Variants in WNT11 observed in about 807,000 individuals in gnomAD.
WNT11 encodes Wnt family member 11, also known as protein Wnt-11.
Under a neutral mutation model 35.6 loss-of-function variants are expected in WNT11, and 20 were observed. That is an observed-to-expected ratio of 0.56 (90% CI 0.40 to 0.82). The LOEUF is 0.82. WNT11 is among the 40% of genes least tolerant of loss of function. WNT11 has a pLI of 0.00. For synonymous variants in WNT11, 200 were observed against 211.9 expected (o/e 0.94, Z 0.49); for missense variants, 459 against 504.4 (o/e 0.91, Z 0.86).
chr11:76,187,784 T>A (rs545105187), intron 4 of WNT11, among the ~76,000 whole-genome samples: 11 of 152,198 alleles, frequency 7.2e-5, no homozygotes, highest in African/African-American at 2.4e-4. Context: ...GTGCCCAGCC[T>A]TGTTTTGTTG....
chr11:76,187,077 A>G lies in WNT11; in HGVS notation c.1053T>C (p.Tyr351=), dbSNP rs1479855287. ...CRRCERTVER[Y]VCK ...GGAGGGCAGGGCCTCACTTGCAGAC[A>G]TAGCGCTCCACGGTACGCTCACACC... is the stretch of plus-strand genomic sequence containing the variant. Residue 351 remains tyrosine, a synonymous_variant, in exon 5 of 5, where the codon TAT becomes TAC. Coordinates refer to ENST00000322563, the MANE Select transcript of WNT11 (RefSeq NM_004626.3). 1.9e-6 allele frequency: 3 copies of G among 1,610,928 alleles called. No homozygotes were observed. Among genetic ancestry groups the G allele is most frequent in the South Asian group, 2.2e-5 (2 of 91,088 alleles).
rs372982547 is a variant in WNT11, at chr11:76,194,720, G to C, written c.444C>G (p.Pro148=). 1.3e-6 allele frequency: 2 copies of C among 1,550,394 alleles called. No individual in the cohort carries two copies. The highest frequency in any genetic ancestry group is 1.7e-6 in the Non-Finnish European group (2 of 1,146,930). ...ATCCTCCCCAGCGGTTCCCGGGCCC[G>C]GGTGGCTCACCTGGGACGGGGCCGC... The part of the protein sequence containing the change: ...CSCGPVPGEP[P]GPGNRWGGCA... Residue 148 remains proline (P), a synonymous_variant, in exon 3 of 5, where the codon CCC becomes CCG. Coordinates refer to ENST00000322563, the MANE Select transcript of WNT11 (RefSeq NM_004626.3). The surrounding 1 kb of genome is among the most constrained non-coding windows in gnomAD (Gnocchi z 5.4).
At chr11:76,206,634 C>T (rs1953480588), upstream of WNT11, 3 of 897,180 alleles carry the variant, frequency 3.3e-6, no homozygotes, top group African/African-American at 1.8e-5. Context: ...TCCGCCCGGC[C>T]GGGGGACGCG....
upstream of WNT11, chr11:76,206,624 T>TC: frequency 1.0e-6 from 1 of 995,064 alleles, no homozygotes. Context: ...CCCCTCCCGC[T>TC]CCGCCCGGCC....
Position 76,196,710 on chromosome 11 carries a change from G to A in WNT11, c.92C>T (p.Ser31Phe), listed in dbSNP as rs778511891. The A allele has an allele frequency of 6.2e-6, 10 of 1,606,376 alleles. No individual in the cohort carries two copies. The highest frequency in any genetic ancestry group is 8.5e-6 in the Non-Finnish European group (10 of 1,176,838). The change falls in exon 2 of 5, where the codon TCC becomes TTC. Residue 31 changes from serine to phenylalanine, a missense_variant. Coordinates refer to ENST00000322563, the MANE Select transcript of WNT11 (RefSeq NM_004626.3). ...CAGTGCCAGGGCCGATGGTGTCTTGGACAGCGCCCTGCACACCATGGAAAG... is the reference window on the plus strand; with the variant it reads ...CAGTGCCAGGGCCGATGGTGTCTTGAACAGCGCCCTGCACACCATGGAAAG... ...VCYGIKWLAL[S>F]KTPSALALNQ...
Position 76,187,246 on chromosome 11 carries a change from TG to T in WNT11, c.891-8del. 1 of 1,599,840 alleles carries T rather than the reference TG, an allele frequency of 6.3e-7. No individual in the cohort carries two copies. On this transcript the variant is annotated splice_polypyrimidine_tract_variant and splice_region_variant and intron_variant, in intron 4 of 4. Transcript: ENST00000322563. ...GGATGTCTTGTTGCACTGCCTATTG[TG>T]GGGGCAGGAAGGAGGTCAGTGCATG...
intron 1 of WNT11, among the ~76,000 whole-genome samples, chr11:76,205,909 A>G (rs1953464605): frequency 6.6e-6 from 1 of 152,208 alleles, no homozygotes; most frequent in Non-Finnish European, 1.5e-5. Context: ...AAGGTCGCCC[A>G]GGTGGAGGGG....
At chr11:76,193,427 G>A (rs1216640206) in intron 3 of WNT11, among the ~76,000 whole-genome samples, 4 of 152,212 alleles carry the variant, frequency 2.6e-5, no homozygotes, top group East Asian at 1.9e-4. Context: ...GGTGGTGGGC[G>A]TGGCCATGGT....
At position 76,191,847 on chromosome 11, in the gene WNT11, C is replaced by A; in HGVS notation, c.607G>T (p.Ala203Ser). 6.3e-7 allele frequency: 1 copy of A among 1,598,732 alleles called. No individual in the cohort carries two copies. Among genetic ancestry groups the A allele is most frequent in the Non-Finnish European group, 8.5e-7 (1 of 1,177,496 alleles). Reference protein sequence around the residue: ...NSEVGRQALRASLEMKCKCHG... With the variant: ...NSEVGRQALRSSLEMKCKCHG... ...CACTTACACTTCATTTCCAGAGAGG[C>A]GCGCAGAGCCTGCGGACAGGGGAAG... Residue 203 changes from alanine to serine, a missense_variant, in exon 4 of 5, where the codon GCC becomes TCC. Ala to Ser is a moderately conservative substitution (Grantham distance 99, BLOSUM62 1). Coordinates refer to ENST00000322563, the MANE Select transcript of WNT11 (RefSeq NM_004626.3).
At chr11:76,198,905 G>A (rs188650711) in intron 1 of WNT11, among the ~76,000 whole-genome samples, 209 of 152,280 alleles carry the variant, frequency 1.4e-3, no homozygotes, top group African/African-American at 4.2e-3. Context: ...AGGCCAAGGC[G>A]GGCAGATCAT....
intron 1 of WNT11, among the ~76,000 whole-genome samples, chr11:76,197,272 T>A (rs1469742034): frequency 6.6e-6 from 1 of 152,256 alleles, no homozygotes; most frequent in Admixed American, 6.5e-5. Context: ...TAAAGTCCCA[T>A]ATCCATGCAA....
chr11:76,198,550 C>T (rs1953323128), intron 1 of WNT11, among the ~76,000 whole-genome samples: 2 of 152,200 alleles, frequency 1.3e-5, no homozygotes, highest in South Asian at 4.1e-4. Flanking sequence ...GCCAGGAATG[C>T]CTTTCCCCCT....
At chr11:76,195,828 A>C (rs527404729) in intron 2 of WNT11, among the ~76,000 whole-genome samples, 1 of 152,246 alleles carries the variant, frequency 6.6e-6, no homozygotes, top group Non-Finnish European at 1.5e-5. Context: ...ATTCAGTAAG[A>C]AAAGAATGTT....
At chr11:76,203,343 G>T (rs918660552) in intron 1 of WNT11, among the ~76,000 whole-genome samples, 6 of 152,228 alleles carry the variant, frequency 3.9e-5, no homozygotes, top group Admixed American at 6.5e-5. Context: ...GCCCTCTAGA[G>T]CCTCCTGGCC....
intron 1 of WNT11, among the ~76,000 whole-genome samples, chr11:76,199,332 A>G (rs1953338107): frequency 2.0e-5 from 3 of 152,014 alleles, no homozygotes; most frequent in Non-Finnish European, 4.4e-5. Context: ...AAAAAGTAAA[A>G]AAATTAGCCG....
chr11:76,195,694 C>T (rs549669384), intron 2 of WNT11, among the ~76,000 whole-genome samples: 4 of 152,348 alleles, frequency 2.6e-5, no homozygotes, highest in Non-Finnish European at 4.4e-5. Flanking sequence ...CCCTGGCCAT[C>T]GGTCCGAGCC....
At chr11:76,209,440 CG>C (rs1178448348), upstream of WNT11, among the ~76,000 whole-genome samples, 3 of 152,126 alleles carry the variant, frequency 2.0e-5, no homozygotes, top group Non-Finnish European at 2.9e-5. Context: ...CGACGCCCCA[CG>C]GGCACCGTGC....
intron 1 of WNT11, among the ~76,000 whole-genome samples, chr11:76,198,633 A>C (rs1408466622): frequency 6.6e-6 from 1 of 152,202 alleles, no homozygotes; most frequent in African/African-American, 2.4e-5. Context: ...TCCCAGACTC[A>C]TTTGGTAATG....
At chr11:76,207,038 G>C (rs1288691588), upstream of WNT11, 1 of 152,314 alleles carries the variant, frequency 6.6e-6, no homozygotes, top group Non-Finnish European at 1.5e-5. Flanking sequence ...AGTAAGCTGG[G>C]GCAATTCGGG....
Sources: gnomAD v4.1 joint callset for allele counts (sites outside exome capture counted in the v4.1 genomes callset) on GRCh38, gnomAD v4.1.1 for gene constraint, Gnocchi (gnomAD v3.1) non-coding constraint, MANE v1.5 for transcripts, NCBI Gene and HGNC (gene_info 2026-07-23, HGNC 2026-07-21) for gene names.